CD109: variants seen among roughly 807,000 people sequenced by gnomAD.
The protein encoded by CD109 is CD109 antigen.
A neutral mutation model predicts 165.8 loss-of-function variants in CD109; 149 were observed. The observed-to-expected ratio is 0.90, with a 90% CI of 0.79 to 1.03. The LOEUF is 1.03. Among genes scored for constraint, CD109 ranks in the 50% least tolerant of loss-of-function variants. The probability of loss-of-function intolerance (pLI) is 0.00; values close to 1 mark genes in which losing one functional copy is unlikely to be tolerated. For synonymous variants in CD109, 585 were observed against 592.1 expected, an observed-to-expected ratio of 0.99 and a Z score of 0.18; for missense variants, 1,712 against 1,677.8, an observed-to-expected ratio of 1.02 and a Z score of -0.36.
Position 73,696,290 on chromosome 6 carries a change from G to A in CD109, c.74+1G>A. 6.6e-7 allele frequency: 1 copy of A among 1,518,540 alleles called. No individual in the cohort carries two copies. The highest frequency in any genetic ancestry group is 8.8e-7 in the Non-Finnish European group (1 of 1,139,458). The allele number at this position is 1,518,540 out of a possible 1,614,324, so 94.1% of individuals were successfully genotyped here. A position where few individuals can be genotyped will look rare whatever the true frequency, so the allele number is the denominator to read the frequency against. On this transcript the variant is annotated splice_donor_variant, in intron 1 of 32. Coordinates refer to ENST00000287097, the MANE Select transcript of CD109 (RefSeq NM_133493.5). LOFTEE classifies it high-confidence loss of function. The stretch of plus-strand genomic sequence containing the variant: ...CCGCCGCGCTGGCCGTGGCTCCCGG[G>A]TAGGAACGTGGGCGCGCGGGGGGCG...
chr6:73,801,438 A>G (rs1474905940), intron 23 of CD109, among the ~76,000 whole-genome samples: 1 of 152,242 alleles, frequency 6.6e-6, no homozygotes, highest in Non-Finnish European at 1.5e-5. Flanking sequence ...GTATAATCTA[A>G]TGTTCCCTTC....
intron 18 of CD109, among the ~76,000 whole-genome samples, chr6:73,783,393 G>A (rs1386536351): frequency 6.6e-6 from 1 of 152,100 alleles, no homozygotes; most frequent in Admixed American, 6.6e-5. Flanking sequence ...TTGGAGTTAA[G>A]TTTGAAAATG....
chr6:73,746,019 T>C (rs1279781515), intron 5 of CD109, among the ~76,000 whole-genome samples: 1 of 152,256 alleles, frequency 6.6e-6, no homozygotes, highest in East Asian at 1.9e-4. Context: ...CATAAGCCAC[T>C]GTGCTCAGCC....
chr6:73,796,608 T>A (rs969063578), intron 23 of CD109, among the ~76,000 whole-genome samples: 1 of 152,210 alleles, frequency 6.6e-6, no homozygotes, highest in African/African-American at 2.4e-5. Flanking sequence ...ACCTTCATTG[T>A]ATAGCTATGT....
At chr6:73,780,770 GTA>G (rs915199103) in intron 16 of CD109, among the ~76,000 whole-genome samples, 1 of 77,156 alleles carries the variant, frequency 1.3e-5, no homozygotes, top group Non-Finnish European at 2.6e-5. Flanking sequence ...TATATTTTAT[GTA>G]TATATATAAT....
intron 23 of CD109, among the ~76,000 whole-genome samples, chr6:73,797,001 T>A (rs902184954): frequency 1.6e-4 from 25 of 152,262 alleles, no homozygotes; most frequent in Non-Finnish European, 3.1e-4. Flanking sequence ...ACTCTCTTTT[T>A]TCTTTTGCCA....
chr6:73,766,718 C>A, intron 11 of CD109, 41 bp from the exon 12 acceptor site: 1 of 1,404,556 alleles, frequency 7.1e-7, no homozygotes, highest in Admixed American at 1.9e-5. Context: ...CAAGGTGTTA[C>A]TAAAGATGAA....
chr6:73,760,823 T>C (rs1417684608), intron 7 of CD109, among the ~76,000 whole-genome samples: 1 of 152,028 alleles, frequency 6.6e-6, no homozygotes, highest in East Asian at 1.9e-4. Context: ...CCAGCCTGGG[T>C]GACAGAGCGA....
Position 73,758,163 on chromosome 6 carries a change from A to G in CD109, c.674-781A>G, listed in dbSNP as rs145005884. Reference sequence around the variant, plus strand: ...ATTCAGGGCCATTAGCCTTGATTGGAGCTGAAGGTCTGCCCTATATTGTTG... The same window carrying G: ...ATTCAGGGCCATTAGCCTTGATTGGGGCTGAAGGTCTGCCCTATATTGTTG... On this transcript the variant is annotated intron_variant, in intron 6 of 32. Transcript: ENST00000287097. 2.4e-3 allele frequency among the ~76,000 whole-genome samples: 372 copies of G among 152,082 alleles called. 3 individuals are homozygous for G. Among genetic ancestry groups the G allele is most frequent in the African/African-American group, 8.5e-3 (352 of 41,486 alleles).
At chr6:73,687,883 T>C in the CD109 span, among the ~76,000 whole-genome samples, 1 of 152,200 alleles carries the variant, frequency 6.6e-6, no homozygotes, top group African/African-American at 2.4e-5. Context: ...AAGTGGGAAC[T>C]GCCTCAGCTG....
At chr6:73,808,056 T>TA in intron 25 of CD109, 27 bp from the exon 26 acceptor site, 3 of 1,604,822 alleles carry the variant, frequency 1.9e-6, no homozygotes, top group Non-Finnish European at 2.6e-6. Context: ...CTCTGAATAG[T>TA]AAAAAACATA....
chr6:73,762,722 GAAC>G lies in CD109; in HGVS notation c.856-18_856-16del. The G allele has an allele frequency of 6.3e-7, 1 of 1,575,318 alleles. No homozygotes were observed. The highest frequency in any genetic ancestry group is 8.6e-7 in the Non-Finnish European group (1 of 1,156,370). On this transcript the variant is annotated splice_polypyrimidine_tract_variant and intron_variant, in intron 8 of 32. Transcript: ENST00000287097. Reference sequence around the variant, plus strand: ...AATTGCTAAAATGGTAAATAATACTGAACTTTTAAACAAAACAGATAAATGGAT... The same window carrying G: ...AATTGCTAAAATGGTAAATAATACTGTTTTAAACAAAACAGATAAATGGAT...
intron 2 of CD109, among the ~76,000 whole-genome samples, chr6:73,713,882 T>C (rs1451570748): frequency 3.3e-5 from 5 of 152,278 alleles, no homozygotes; most frequent in East Asian, 1.9e-4. Flanking sequence ...TACTTTCTCC[T>C]TGCTGATGTC....
At chr6:73,742,502 G>T (rs1185890570) in intron 5 of CD109, among the ~76,000 whole-genome samples, 1 of 152,236 alleles carries the variant, frequency 6.6e-6, no homozygotes, top group Non-Finnish European at 1.5e-5. Flanking sequence ...TGAGAACCAG[G>T]CTTCTGGGAG....
intron 5 of CD109, among the ~76,000 whole-genome samples, chr6:73,745,292 A>G (rs1772939763): frequency 6.6e-6 from 1 of 152,062 alleles, no homozygotes; most frequent in Non-Finnish European, 1.5e-5. Flanking sequence ...TTTAGTAGAG[A>G]CAGGGTTTCA....
chr6:73,712,106 G>T (rs1771561292), intron 2 of CD109, among the ~76,000 whole-genome samples: 1 of 152,164 alleles, frequency 6.6e-6, no homozygotes, highest in South Asian at 2.1e-4. Flanking sequence ...GCTACTGGGG[G>T]GCTGAGGCAG....
At chr6:73,813,196 G>C (rs1775811219) in intron 29 of CD109, among the ~76,000 whole-genome samples, 3 of 152,010 alleles carry the variant, frequency 2.0e-5, no homozygotes, top group African/African-American at 7.2e-5. Flanking sequence ...TCAGTGAAAA[G>C]GTCAGAAAGA....
At chr6:73,773,369 A>C (rs901231490) in intron 15 of CD109, among the ~76,000 whole-genome samples, 1 of 151,976 alleles carries the variant, frequency 6.6e-6, no homozygotes, top group South Asian at 2.1e-4. Context: ...TTTAAATAGC[A>C]TATTATTATA....
intron 5 of CD109, among the ~76,000 whole-genome samples, chr6:73,755,797 T>TA (rs10718476): frequency 0.033 from 4,880 of 145,698 alleles, 271 homozygotes; most frequent in African/African-American, 0.11. Context: ...CTGTTCTACT[T>TA]AAAAAAAAAA....
Sources: gnomAD v4.1 joint callset for allele counts (sites outside exome capture counted in the v4.1 genomes callset) on GRCh38, gnomAD v4.1.1 for gene constraint, MANE v1.5 for transcripts, NCBI Gene and HGNC (gene_info 2026-07-23, HGNC 2026-07-21) for gene names.